SEMA6A: variants seen among roughly 807,000 people sequenced by gnomAD.
SEMA6A encodes semaphorin-6A.
A neutral mutation model predicts 96.8 loss-of-function variants in SEMA6A; 25 were observed. The observed-to-expected ratio is 0.26, with a 90% CI of 0.19 to 0.36. The LOEUF (loss-of-function observed/expected upper bound fraction) is 0.36. Ranked by LOEUF, SEMA6A falls within the 10% of genes least tolerant of loss-of-function variation. The pLI, the probability that SEMA6A is intolerant of heterozygous loss-of-function variation, is 1.00. For missense variants in SEMA6A, 1,363 were observed against 1,323.1 expected (o/e 1.03, Z -0.47); for synonymous variants, 612 against 518.0 (o/e 1.18, Z -2.46).
At chr5:116,482,406 C>T in intron 11 of SEMA6A, 38 bp downstream of exon 11, 6 of 1,597,436 alleles carry the variant, frequency 3.8e-6, no homozygotes, top group Non-Finnish European at 5.1e-6. Context: ...TTTGCCATTT[C>T]TAAAGTTTAA....
intron 1 of SEMA6A, among the ~76,000 whole-genome samples, chr5:116,544,848 A>AATC (rs1760118038): frequency 6.6e-6 from 1 of 152,208 alleles, no homozygotes; most frequent in Non-Finnish European, 1.5e-5. Flanking sequence ...CTCTTCAAAG[A>AATC]ATCAATATGT....
chr5:116,480,061 G>C (rs567786937), intron 12 of SEMA6A, 61 bp downstream of exon 12: 2 of 1,571,698 alleles, frequency 1.3e-6, no homozygotes, highest in African/African-American at 1.3e-5. Flanking sequence ...TCCACTGATT[G>C]GTTCTCCGAC....
At chr5:116,558,957 TAA>T (rs1171126102) in intron 1 of SEMA6A, among the ~76,000 whole-genome samples, 1 of 152,164 alleles carries the variant, frequency 6.6e-6, no homozygotes, top group Non-Finnish European at 1.5e-5. Context: ...TTTCATAAAG[TAA>T]AATTGTTTGG....
At chr5:116,513,667 G>T (rs763895107) in intron 1 of SEMA6A, among the ~76,000 whole-genome samples, 4 of 150,448 alleles carry the variant, frequency 2.7e-5, no homozygotes, top group Non-Finnish European at 4.4e-5. Context: ...GGATGCTCAG[G>T]TTTGTTACAT....
chr5:116,461,792 G>A (rs560637001), intron 18 of SEMA6A, among the ~76,000 whole-genome samples: 13 of 152,246 alleles, frequency 8.5e-5, no homozygotes, highest in African/African-American at 3.1e-4. Context: ...GTGCTTTTGT[G>A]TCTACCTGTG....
intron 1 of SEMA6A, among the ~76,000 whole-genome samples, chr5:116,572,340 C>T (rs1761252979): frequency 6.6e-6 from 1 of 152,218 alleles, no homozygotes. Flanking sequence ...CTGTGCCTGG[C>T]CACCGCAGTT....
chr5:116,509,689 C>T (rs1758319917), intron 1 of SEMA6A, among the ~76,000 whole-genome samples: 1 of 151,856 alleles, frequency 6.6e-6, no homozygotes, highest in South Asian at 2.1e-4. Flanking sequence ...CATTCCAAAG[C>T]CAGGAACATC....
intron 1 of SEMA6A, among the ~76,000 whole-genome samples, chr5:116,514,201 T>C (rs1758558401): frequency 6.6e-6 from 1 of 152,208 alleles, no homozygotes; most frequent in South Asian, 2.1e-4. Context: ...CTTTGAGCAA[T>C]CACTACACTG....
chr5:116,478,409 AAT>A (rs1756578736), intron 13 of SEMA6A, 131 bp downstream of exon 13: 1 of 1,007,096 alleles, frequency 9.9e-7, no homozygotes, highest in East Asian at 2.6e-5. Context: ...TTAGGTGTTA[AAT>A]TTTTACAAAC....
At chr5:116,535,182 T>G (rs569164271) in intron 1 of SEMA6A, among the ~76,000 whole-genome samples, 71 of 152,244 alleles carry the variant, frequency 4.7e-4, no homozygotes, top group African/African-American at 1.6e-3. Context: ...CACAAAAGCC[T>G]GGAAGGAGAA....
intron 1 of SEMA6A, among the ~76,000 whole-genome samples, chr5:116,565,474 A>T: frequency 6.6e-6 from 1 of 152,138 alleles, no homozygotes; most frequent in East Asian, 1.9e-4. Context: ...TTCATGATAC[A>T]AGAAGAATTA....
At chr5:116,490,533 T>G (rs1418981069) in intron 7 of SEMA6A, among the ~76,000 whole-genome samples, 1 of 152,206 alleles carries the variant, frequency 6.6e-6, no homozygotes, top group Non-Finnish European at 1.5e-5. Context: ...CTCTTTCCAC[T>G]AGCCTTGCTC....
rs757794745 is a variant in SEMA6A, at chr5:116,486,798, T to C, written c.913A>G (p.Ile305Val). 6.2e-7 allele frequency: 1 copy of C among 1,613,850 alleles called. No individual in the cohort carries two copies. The highest frequency in any genetic ancestry group is 1.7e-5 in the Admixed American group (1 of 60,010). Residue 305 changes from isoleucine (I) to valine (V), a missense_variant, in exon 10 of 19, where the codon ATC (isoleucine) becomes GTC (valine). Coordinates refer to ENST00000343348, the MANE Select transcript of SEMA6A (RefSeq NM_020796.5). The part of the protein sequence containing the change: ...ILQAVTDVIR[I>V]NGRDVVLATF... ...GCCAGGACAACATCACGCCCGTTGATACGAATCACATCTGTAACTGCCTGG... is the reference window on the plus strand; with the variant it reads ...GCCAGGACAACATCACGCCCGTTGACACGAATCACATCTGTAACTGCCTGG...
At chr5:116,559,985 C>A (rs567695283) in intron 1 of SEMA6A, among the ~76,000 whole-genome samples, 17 of 152,354 alleles carry the variant, frequency 1.1e-4, no homozygotes, top group African/African-American at 3.8e-4. Context: ...TGCCTCAATG[C>A]CTCCTCTGTC....
intron 1 of SEMA6A, among the ~76,000 whole-genome samples, chr5:116,532,586 G>A (rs1759531137): frequency 6.6e-6 from 1 of 152,128 alleles, no homozygotes; most frequent in Admixed American, 6.5e-5. Context: ...GCCCCTCTGG[G>A]CTTCGGTGAC....
intron 1 of SEMA6A, among the ~76,000 whole-genome samples, chr5:116,558,162 T>C (rs756187554): frequency 2.6e-5 from 4 of 152,248 alleles, no homozygotes; most frequent in Admixed American, 6.5e-5. Flanking sequence ...TGTTTTGTTT[T>C]CCTTTTGTTA....
rs550288765 is a variant in SEMA6A, at chr5:116,450,705, C to T, written c.1895-2894G>A. 2.0e-5 allele frequency among the ~76,000 whole-genome samples: 3 copies of T among 152,108 alleles called. No homozygotes were observed. In the South Asian group the frequency reaches 6.2e-4, roughly 32 times the overall value. On this transcript the variant is annotated intron_variant, in intron 18 of 18. Transcript: ENST00000343348. ...ATGGTATCTCAGACAGATTTTTTCC[C>T]CCGTCTCATTTTGTTATATAAAGAG...
At chr5:116,457,690 A>G (rs752142351) in intron 18 of SEMA6A, among the ~76,000 whole-genome samples, 3 of 152,124 alleles carry the variant, frequency 2.0e-5, no homozygotes, top group Admixed American at 6.6e-5. Flanking sequence ...TCTACTGTGC[A>G]CCCAGTATAT....
intron 17 of SEMA6A, chr5:116,471,525 CG>C (rs1756144499): frequency 6.6e-6 from 1 of 152,096 alleles, no homozygotes; most frequent in African/African-American, 2.4e-5. Context: ...ATGCTAAGTG[CG>C]GTTTTTTCCT....
Sources: gnomAD v4.1 joint callset for allele counts (sites outside exome capture counted in the v4.1 genomes callset) on GRCh38, gnomAD v4.1.1 for gene constraint, MANE v1.5 for transcripts, NCBI Gene and HGNC (gene_info 2026-07-23, HGNC 2026-07-21) for gene names.